ESRRG: variants seen among roughly 807,000 people sequenced by gnomAD.
ESRRG encodes estrogen related receptor gamma.
In ESRRG, 13 loss-of-function variants were observed where a neutral mutation model predicts 44.0. The observed-to-expected ratio is 0.30, with a 90% CI of 0.19 to 0.47. ESRRG has a LOEUF of 0.47. ESRRG is among the 20% of genes least tolerant of loss of function. ESRRG has a pLI of 1.00. For synonymous variants in ESRRG, 215 were observed against 214.6 expected (o/e 1.00, Z -0.02); for missense variants, 395 against 580.6 (o/e 0.68, Z 3.29).
At chr1:216,612,555 T>A (rs1164858123) in intron 3 of ESRRG, among the ~76,000 whole-genome samples, 1 of 152,128 alleles carries the variant, frequency 6.6e-6, no homozygotes, top group Admixed American at 6.5e-5. Context: ...CTTGTTTCCC[T>A]CCCCACTTCT....
At chr1:216,852,469 C>A (rs903292198) in intron 2 of ESRRG, among the ~76,000 whole-genome samples, 5 of 152,110 alleles carry the variant, frequency 3.3e-5, no homozygotes, top group Non-Finnish European at 7.4e-5. Context: ...ATCTGTTAAG[C>A]ATTTTACTAT....
intron 1 of ESRRG, among the ~76,000 whole-genome samples, chr1:217,022,456 G>A (rs1465249289): frequency 1.3e-5 from 2 of 152,114 alleles, no homozygotes; most frequent in Admixed American, 6.6e-5. Flanking sequence ...ACGGCAAGTC[G>A]CTCATTTGCA....
intron 1 of ESRRG, among the ~76,000 whole-genome samples, chr1:217,030,962 T>C (rs769900853): frequency 2.6e-5 from 4 of 152,234 alleles, no homozygotes; most frequent in Non-Finnish European, 4.4e-5. Context: ...TTATTTTTAC[T>C]TTTTAAAATG....
intron 1 of ESRRG, among the ~76,000 whole-genome samples, chr1:216,703,415 G>T (rs929980564): frequency 3.9e-5 from 6 of 152,146 alleles, no homozygotes; most frequent in African/African-American, 1.2e-4. Context: ...CTTGATAAAG[G>T]TTACCTTTAA....
At chr1:216,530,612 C>A (rs1291684206) in intron 5 of ESRRG, among the ~76,000 whole-genome samples, 1 of 152,150 alleles carries the variant, frequency 6.6e-6, no homozygotes, top group East Asian at 1.9e-4. Flanking sequence ...TGGGTCATTT[C>A]ATATGGGTTA....
intron 1 of ESRRG, among the ~76,000 whole-genome samples, chr1:217,035,221 C>T (rs556657885): frequency 1.3e-3 from 190 of 150,612 alleles, no homozygotes; most frequent in Middle Eastern, 3.5e-3. Context: ...TGCAGTGGCT[C>T]ACACCTGAAA....
At position 216,715,360 on chromosome 1, in the gene ESRRG, C is replaced by T. The variant is rs145900198; in HGVS notation, c.56+7884G>A. On this transcript the variant is annotated intron_variant, in intron 1 of 6. Transcript: ENST00000408911. The stretch of plus-strand genomic sequence containing the variant: ...TTCTCACCAACCATATACATCTTTC[C>T]CTTTCTTTGGTCATGAACAGTTGGT... The T allele has an allele frequency of 1.1e-3, 454 of 431,924 alleles. 13 individuals are homozygous for T. The East Asian group carries it at 0.051, about 49-fold the overall frequency. 26.8% of individuals were successfully genotyped at this position (431,924 alleles called of 1,614,324 possible). A position where few individuals can be genotyped will look rare whatever the true frequency, so the allele number is the denominator to read the frequency against.
At chr1:216,621,607 A>T (rs534304098) in intron 3 of ESRRG, among the ~76,000 whole-genome samples, 66 of 152,266 alleles carry the variant, frequency 4.3e-4, no homozygotes, top group African/African-American at 1.5e-3. Flanking sequence ...AGGAAACTGA[A>T]TGCCCCATGA....
intron 1 of ESRRG, among the ~76,000 whole-genome samples, chr1:216,708,453 T>C (rs558914890): frequency 1.3e-5 from 2 of 152,180 alleles, no homozygotes; most frequent in East Asian, 3.9e-4. Context: ...ATTTTTGGAG[T>C]GTTAGAAATC....
intron 1 of ESRRG, among the ~76,000 whole-genome samples, chr1:216,943,982 A>G (rs2065680245): frequency 6.6e-6 from 1 of 152,176 alleles, no homozygotes; most frequent in Non-Finnish European, 1.5e-5. Context: ...ATTAAGAGAT[A>G]AAATGTCATG....
At chr1:217,064,819 G>A (rs772026416) in intron 1 of ESRRG, among the ~76,000 whole-genome samples, 4 of 152,106 alleles carry the variant, frequency 2.6e-5, no homozygotes, top group Non-Finnish European at 5.9e-5. Flanking sequence ...TGTGAAATGG[G>A]TCTCTTTCTA....
rs1231748524 is a variant in ESRRG at position 216,819,928 on chromosome 1, G to T, written c.-14+119654C>A. 4.6e-5 allele frequency among the ~76,000 whole-genome samples: 7 copies of T among 152,132 alleles called. No homozygotes were observed. The East Asian group carries it at 1.3e-3, about 29-fold the overall frequency. The stretch of plus-strand genomic sequence containing the variant: ...TGGAGCAGACCAAAACAATACAACT[G>T]TAGAAATAAAAATTCCCATTATTGC... On this transcript the variant is annotated intron_variant, in intron 2 of 7. Transcript: ENST00000359162.
intron 2 of ESRRG, among the ~76,000 whole-genome samples, chr1:216,759,399 G>T (rs977568618): frequency 6.6e-6 from 1 of 152,064 alleles, no homozygotes; most frequent in African/African-American, 2.4e-5. Flanking sequence ...CTACAGCCCT[G>T]TGTACCCCAG....
chr1:216,627,335 T>C (rs1217726926), intron 3 of ESRRG, among the ~76,000 whole-genome samples: 1 of 152,200 alleles, frequency 6.6e-6, no homozygotes, highest in African/African-American at 2.4e-5. Context: ...CTACCTCCCA[T>C]GCACCCCATT....
At chr1:216,542,734 G>C (rs2053275807) in intron 5 of ESRRG, among the ~76,000 whole-genome samples, 1 of 151,830 alleles carries the variant, frequency 6.6e-6, no homozygotes, top group African/African-American at 2.4e-5. Flanking sequence ...CAATAATGTA[G>C]AATTGAATTT....
At chr1:216,521,961 A>AC (rs1308777326) in intron 5 of ESRRG, among the ~76,000 whole-genome samples, 1 of 152,154 alleles carries the variant, frequency 6.6e-6, no homozygotes, top group African/African-American at 2.4e-5. Context: ...AGCGACATTT[A>AC]CGTGCACGGA....
intron 1 of ESRRG, among the ~76,000 whole-genome samples, chr1:217,034,782 C>A (rs1477224579): frequency 6.6e-6 from 1 of 152,082 alleles, no homozygotes; most frequent in Non-Finnish European, 1.5e-5. Flanking sequence ...CTGCAGTGCA[C>A]CATACGTAAC....
At chr1:216,676,288 G>A (rs947148482) in intron 2 of ESRRG, among the ~76,000 whole-genome samples, 6 of 151,936 alleles carry the variant, frequency 3.9e-5, no homozygotes, top group Admixed American at 1.3e-4. Context: ...ACTGTATGGC[G>A]GAAATAATGT....
At chr1:217,053,133 T>TAAAAAAAAAAAAAAAAAAAAAAAAAAA (rs71303007) in intron 1 of ESRRG, among the ~76,000 whole-genome samples, 1 of 119,032 alleles carries the variant, frequency 8.4e-6, no homozygotes, top group African/African-American at 3.4e-5. Flanking sequence ...AATCCCATCT[T>TAAAAAAAAAAAAAAAAAAAAAAAAAAA]AAAAAAAAAA....
Sources: allele counts gnomAD v4.1 joint callset (sites outside exome capture counted in the v4.1 genomes callset), GRCh38; gene constraint gnomAD v4.1.1; transcripts MANE v1.5; gene names NCBI Gene and HGNC (gene_info 2026-07-23, HGNC 2026-07-21).